Variants in ARHGAP15 observed in about 807,000 individuals in gnomAD.
ARHGAP15 encodes the protein rho GTPase-activating protein 15.
A neutral mutation model predicts 63.7 loss-of-function variants in ARHGAP15; 51 were observed. The observed-to-expected ratio is 0.80, with a 90% CI of 0.64 to 1.01. ARHGAP15 has a LOEUF of 1.01. Among genes scored for constraint, ARHGAP15 ranks in the 50% least tolerant of loss-of-function variants. The pLI, the probability that ARHGAP15 is intolerant of heterozygous loss-of-function variation, is 0.00. For missense variants in ARHGAP15, 560 were observed against 564.6 expected (o/e 0.99, Z 0.08); for synonymous variants, 191 against 193.8 (o/e 0.99, Z 0.12).
intron 12 of ARHGAP15, among the ~76,000 whole-genome samples, chr2:143,695,213 G>T: frequency 6.6e-6 from 1 of 152,054 alleles, no homozygotes; most frequent in Middle Eastern, 3.2e-3. Context: ...ATCTTCACAG[G>T]AAAATTGAAT....
intron 12 of ARHGAP15, among the ~76,000 whole-genome samples, chr2:143,684,642 A>AAAAT (rs1255868431): frequency 6.6e-6 from 1 of 152,202 alleles, no homozygotes; most frequent in Non-Finnish European, 1.5e-5. Flanking sequence ...AGCAGCTTAA[A>AAAAT]AAATATGCAG....
chr2:143,464,815 A>T (rs1691123863), intron 8 of ARHGAP15, among the ~76,000 whole-genome samples: 1 of 152,032 alleles, frequency 6.6e-6, no homozygotes, highest in Admixed American at 6.6e-5. Flanking sequence ...AAATTCTATC[A>T]CTATTCTTTG....
chr2:143,273,456 A>G (rs914196344), intron 6 of ARHGAP15, among the ~76,000 whole-genome samples: 9 of 150,854 alleles, frequency 6.0e-5, no homozygotes, highest in Non-Finnish European at 8.8e-5. Context: ...ACCTATTGTA[A>G]AGTCAAAAAA....
chr2:143,295,937 C>A (rs1682613904), intron 6 of ARHGAP15, among the ~76,000 whole-genome samples: 1 of 151,946 alleles, frequency 6.6e-6, no homozygotes, highest in African/African-American at 2.4e-5. Flanking sequence ...CTACTCATTT[C>A]AACAAGTGTA....
intron 11 of ARHGAP15, among the ~76,000 whole-genome samples, chr2:143,584,072 T>C (rs1449928041): frequency 6.6e-6 from 1 of 152,200 alleles, no homozygotes; most frequent in Non-Finnish European, 1.5e-5. Flanking sequence ...TAACCATTCA[T>C]GTTTTTTGAA....
intron 6 of ARHGAP15, among the ~76,000 whole-genome samples, chr2:143,379,479 GCA>G (rs141009837): frequency 1.2e-5 from 1 of 83,606 alleles, no homozygotes; most frequent in East Asian, 3.4e-4. Context: ...TGGTTTTTAG[GCA>G]TATATATGTG....
intron 10 of ARHGAP15, among the ~76,000 whole-genome samples, chr2:143,540,281 C>T (rs972931411): frequency 7.9e-5 from 12 of 152,166 alleles, no homozygotes; most frequent in East Asian, 5.8e-4. Context: ...TGTGTCTGCA[C>T]GTGATGGGTT....
At chr2:143,697,197 ATACTGTACCCTGTTCC>A (rs1683888687) in intron 12 of ARHGAP15, among the ~76,000 whole-genome samples, 1 of 151,836 alleles carries the variant, frequency 6.6e-6, no homozygotes, top group Admixed American at 6.6e-5. Flanking sequence ...AAGCTACAAC[ATACTGTACCCTGTTCC>A]TACTTTTAGG....
In ARHGAP15 at chr2:143,701,182, C is replaced by G. The variant is rs545195868; in HGVS notation, c.1139-2237C>G. Among the ~76,000 whole-genome samples, 4 of 152,280 alleles carry G rather than the reference C, an allele frequency of 2.6e-5. No homozygotes were observed. In the East Asian group the frequency reaches 7.7e-4, roughly 29 times the overall value. On this transcript the variant is annotated intron_variant, in intron 12 of 13. Transcript: ENST00000295095. Reference sequence around the variant, plus strand: ...AGAGTTCTACTAGGAAGACTGCCCCCATCCCACTTTAGCCAAATACCATCT... The same window carrying G: ...AGAGTTCTACTAGGAAGACTGCCCCGATCCCACTTTAGCCAAATACCATCT...
At chr2:143,416,127 TAA>T (rs1688666135) in intron 6 of ARHGAP15, among the ~76,000 whole-genome samples, 4 of 140,708 alleles carry the variant, frequency 2.8e-5, no homozygotes, top group African/African-American at 7.7e-5. Flanking sequence ...CCTATGGAAA[TAA>T]TAATTAAAAA....
At chr2:143,312,754 T>C (rs1683508761) in intron 6 of ARHGAP15, among the ~76,000 whole-genome samples, 1 of 152,194 alleles carries the variant, frequency 6.6e-6, no homozygotes, top group Non-Finnish European at 1.5e-5. Context: ...CTGTTTGGGG[T>C]AATATTCCAC....
At chr2:143,760,236 G>A (rs1004833208) in intron 13 of ARHGAP15, among the ~76,000 whole-genome samples, 7 of 151,998 alleles carry the variant, frequency 4.6e-5, no homozygotes, top group Non-Finnish European at 1.0e-4. Context: ...AATAGAATGC[G>A]TTTATCATCA....
At chr2:143,696,705 G>A (rs949557960) in intron 12 of ARHGAP15, among the ~76,000 whole-genome samples, 1 of 152,044 alleles carries the variant, frequency 6.6e-6, no homozygotes, top group South Asian at 2.1e-4. Context: ...TTCCTAAGAG[G>A]GCTTGTTTAT....
chr2:143,526,668 G>T (rs1694295418), intron 10 of ARHGAP15, among the ~76,000 whole-genome samples: 1 of 152,112 alleles, frequency 6.6e-6, no homozygotes. Flanking sequence ...TTGGCTGAAA[G>T]TTAGCAGGAT....
intron 6 of ARHGAP15, among the ~76,000 whole-genome samples, chr2:143,354,034 G>T (rs1558915172): frequency 0.045 from 1 of 22 alleles, no homozygotes; most frequent in Admixed American, 0.25. Flanking sequence ...CCTTGCATTG[G>T]TGGCCTCAGT....
intron 8 of ARHGAP15, among the ~76,000 whole-genome samples, chr2:143,460,447 T>C (rs1690880706): frequency 6.6e-6 from 1 of 152,194 alleles, no homozygotes; most frequent in African/African-American, 2.4e-5. Context: ...CTGGAAAATA[T>C]ATATATATCT....
At chr2:143,354,242 G>A (rs928955250) in intron 6 of ARHGAP15, among the ~76,000 whole-genome samples, 3 of 152,140 alleles carry the variant, frequency 2.0e-5, no homozygotes, top group Non-Finnish European at 2.9e-5. Context: ...CCAAGGAACC[G>A]CGTTCACCTC....
At chr2:143,393,396 T>A (rs1687618026) in intron 6 of ARHGAP15, among the ~76,000 whole-genome samples, 1 of 152,132 alleles carries the variant, frequency 6.6e-6, no homozygotes, top group Non-Finnish European at 1.5e-5. Flanking sequence ...TCTCTCTAGA[T>A]AATTTACAAG....
intron 12 of ARHGAP15, among the ~76,000 whole-genome samples, chr2:143,663,888 A>G (rs934305357): frequency 1.7e-4 from 26 of 152,342 alleles, no homozygotes; most frequent in African/African-American, 5.8e-4. Flanking sequence ...TGCACCCAAT[A>G]CAGGAGCACC....
Sources: allele counts gnomAD v4.1 joint callset (sites outside exome capture counted in the v4.1 genomes callset), GRCh38; gene constraint gnomAD v4.1.1; transcripts MANE v1.5; gene names NCBI Gene and HGNC (gene_info 2026-07-23, HGNC 2026-07-21).